OBSL1: variants seen among roughly 807,000 people sequenced by gnomAD.
The protein encoded by OBSL1 is obscurin-like protein 1.
A neutral mutation model predicts 172.0 loss-of-function variants in OBSL1; 160 were observed. The ratio of observed to expected loss-of-function variants is 0.93; its 90% CI spans 0.82 to 1.06. The LOEUF (loss-of-function observed/expected upper bound fraction) is 1.06, where lower values mean the gene tolerates loss of function less well. Among genes scored for constraint, OBSL1 ranks in the 50% least tolerant of loss-of-function variants. The pLI is 0.00. For missense variants in OBSL1, 2,681 were observed against 2,715.4 expected (o/e 0.99, Z 0.28); for synonymous variants, 1,200 against 1,196.3 (o/e 1.00, Z -0.06).
chr2:219,563,313 G>T (rs780998170), intron 7 of OBSL1, 42 bp downstream of exon 7: 2 of 1,513,252 alleles, frequency 1.3e-6, no homozygotes, highest in African/African-American at 1.4e-5. Context: ...TGGGAGCAGG[G>T]GCACCTTCCC....
chr2:219,560,661 A>G (rs1482628987), intron 8 of OBSL1, among the ~76,000 whole-genome samples: 1 of 152,134 alleles, frequency 6.6e-6, no homozygotes, highest in Non-Finnish European at 1.5e-5. Context: ...GGGCCGAGGT[A>G]ACCACAAGCT....
At chr2:219,547,969 G>A, downstream of OBSL1, 2 of 1,588,518 alleles carry the variant, frequency 1.3e-6, no homozygotes, top group South Asian at 1.1e-5. Flanking sequence ...CTGCTCCTGT[G>A]CCCCCACTCT....
In OBSL1 at chr2:219,556,547, T is replaced by C. The variant is rs1026866998; in HGVS notation, c.4243A>G (p.Ile1415Val). Residue 1415 changes from isoleucine to valine, a missense_variant, in exon 13 of 21, where the codon ATC becomes GTC. Transcript: ENST00000404537. ...AGTTGGCAGCCTCGCAAGGTTAAGA[T>C]GCGGCTTGAACCATTCTGGGCCATC... ...VEMAQNGSSRILTLRGCQLGD... is the reference protein window; with the variant it reads ...VEMAQNGSSRVLTLRGCQLGD... 1 of 1,613,908 alleles carries C rather than the reference T, an allele frequency of 6.2e-7. No individual in the cohort carries two copies. Among genetic ancestry groups the C allele is most frequent in the East Asian group, 2.2e-5 (1 of 44,874 alleles).
intron 8 of OBSL1, among the ~76,000 whole-genome samples, chr2:219,559,951 C>G (rs1696344129): frequency 6.6e-6 from 1 of 152,240 alleles, no homozygotes; most frequent in Admixed American, 6.5e-5. Context: ...TCAGAGCAAT[C>G]AAGCTCAGGT....
downstream of OBSL1, among the ~76,000 whole-genome samples, chr2:219,549,512 G>A (rs548733784): frequency 6.6e-6 from 1 of 152,310 alleles, no homozygotes; most frequent in East Asian, 1.9e-4. Context: ...CAGGGGCTTG[G>A]CGGGTCCAGC....
downstream of OBSL1, chr2:219,547,399 CTT>C: frequency 5.5e-6 from 5 of 910,282 alleles, no homozygotes; most frequent in South Asian, 1.5e-4. Context: ...ATCTTAGTGT[CTT>C]TGTCTCTGGT....
chr2:219,561,627 G>T, intron 8 of OBSL1: 2 of 427,802 alleles, frequency 4.7e-6, no homozygotes, highest in African/African-American at 3.0e-5. Flanking sequence ...GTGTGTGGAA[G>T]GGTGACTTTC....
rs1574590119 is a variant in OBSL1 at position 219,571,260 on chromosome 2, A to G, written c.-28T>C. The G allele has an allele frequency of 1.1e-5, 12 of 1,071,636 alleles. No individual in the cohort carries two copies. Among genetic ancestry groups the G allele is most frequent in the African/African-American group, 6.4e-5 (4 of 62,064 alleles). 66.4% of individuals were successfully genotyped at this position (1,071,636 alleles called of 1,614,324 possible). ...CGGCGGCCGACCGCCTGCAGCGGCGAACGGTGGGGGGGCAGGGGGGGGTGC... is the reference window on the plus strand; with the variant it reads ...CGGCGGCCGACCGCCTGCAGCGGCGGACGGTGGGGGGGCAGGGGGGGGTGC... On this transcript the variant is annotated 5_prime_UTR_variant, in exon 1 of 21. Coordinates refer to ENST00000404537, the MANE Select transcript of OBSL1 (RefSeq NM_015311.3).
At position 219,552,218 on chromosome 2, in the gene OBSL1, T is replaced by C; in HGVS notation, c.5309-2A>G. ...TAAGCACCAGAATGTGTTTCTTCCC[T>C]GGGGGTGAGGGGGTCGCTAGCGAGG... On this transcript the variant is annotated splice_acceptor_variant, in intron 18 of 20. Transcript: ENST00000404537. LOFTEE classifies it high-confidence loss of function. 1.9e-6 allele frequency: 3 copies of C among 1,595,916 alleles called. No individual in the cohort carries two copies. The highest frequency in any genetic ancestry group is 2.6e-6 in the Non-Finnish European group (3 of 1,171,994).
At position 219,558,287 on chromosome 2, in the gene OBSL1, C is replaced by T. The variant is rs115915650; in HGVS notation, c.3399G>A (p.Gly1133=). The change falls in exon 10 of 21, where the codon GGG becomes GGA. Residue 1133 remains glycine (G), a synonymous_variant. Coordinates refer to ENST00000404537, the MANE Select transcript of OBSL1 (RefSeq NM_015311.3). The part of the protein sequence containing the change: ...ASDALQLGAE[G]PTRTLTLPHA... ...GGGGCAGGGTCAGGGTGCGGGTGGGCCCCTCGGCACCCAGCTGCAGGGCAT... is the reference window on the plus strand; with the variant it reads ...GGGGCAGGGTCAGGGTGCGGGTGGGTCCCTCGGCACCCAGCTGCAGGGCAT... 1,100 of 1,611,518 alleles carry T rather than the reference C, an allele frequency of 6.8e-4. 7 individuals carry two copies. In the African/African-American group the frequency reaches 0.013, roughly 19 times the overall value.
In OBSL1 at chr2:219,554,691, C is replaced by T. The variant is rs767255567; in HGVS notation, c.4659G>A (p.Glu1553=). 1 of 1,587,464 alleles carries T rather than the reference C, an allele frequency of 6.3e-7. No individual in the cohort carries two copies. Among genetic ancestry groups the T allele is most frequent in the Non-Finnish European group, 8.6e-7 (1 of 1,166,924 alleles). The change falls in exon 15 of 21, where the codon GAG becomes GAA. Residue 1553 remains glutamate, a synonymous_variant. Coordinates refer to ENST00000404537, the MANE Select transcript of OBSL1 (RefSeq NM_015311.3). ...LRPLEDVTIS[E]GGSATFQLEL... ...CCAGCTGGAAGGTGGCACTGCCCCC[C>T]TCACTGATGGTCACGTCCTCCAGAG...
intron 6 of OBSL1, 81 bp downstream of exon 6, chr2:219,565,161 G>A (rs910260644): frequency 1.0e-5 from 15 of 1,431,924 alleles, no homozygotes; most frequent in Middle Eastern, 1.9e-4. Flanking sequence ...CCCCCAAGTA[G>A]GCAGCAGACC....
At position 219,567,846 on chromosome 2, in the gene OBSL1, G is replaced by C. The variant is rs996195414; in HGVS notation, c.1406C>G (p.Pro469Arg). The change falls in exon 3 of 21, where the codon CCG (proline) becomes CGG (arginine). Residue 469 changes from proline (P) to arginine (R), a missense_variant. Physicochemically the swap from Pro to Arg is moderately radical, Grantham distance 103 (BLOSUM62 -2). Around this residue, in one of 5 missense-constraint regions of OBSL1, gnomAD observed 706 missense variants for 695.8 expected, o/e 1.01. Transcript: ENST00000404537. Reference sequence around the variant, plus strand: ...GCCTGAGCTGCTCTGGCAGATGACCGGCAGCTCCTCCCCATCACGGCTCCA... The same window carrying C: ...GCCTGAGCTGCTCTGGCAGATGACCCGCAGCTCCTCCCCATCACGGCTCCA... ...GRWSRDGEEL[P>R]VICQSSSGHM... is the part of the protein sequence containing the mutation. The C allele has an allele frequency of 6.2e-7, 1 of 1,613,918 alleles. No homozygotes were observed.
intron 6 of OBSL1, among the ~76,000 whole-genome samples, chr2:219,564,139 G>C (rs1001582552): frequency 6.6e-6 from 1 of 152,256 alleles, no homozygotes; most frequent in African/African-American, 2.4e-5. Flanking sequence ...AGTGAGATGA[G>C]TGGGATCCAT....
In OBSL1 at chr2:219,551,592, C is replaced by T; in HGVS notation, c.5620G>A (p.Asp1874Asn). The change falls in exon 20 of 21, where the codon GAC (aspartate) becomes AAC (asparagine). Residue 1874 changes from aspartate (D) to asparagine (N), a missense_variant. Transcript: ENST00000404537. Reference sequence around the variant, plus strand: ...GCCTGGCAGCAGTAAGTGCCTTGGTCCTCAGGTCGAACGTCATGGATGACC... The same window carrying T: ...GCCTGGCAGCAGTAAGTGCCTTGGTTCTCAGGTCGAACGTCATGGATGACC... The part of the protein sequence containing the change: ...SLVIHDVRPE[D>N]QGTYCCQAGQ... 6.2e-7 allele frequency: 1 copy of T among 1,609,350 alleles called. No individual in the cohort carries two copies. The highest frequency in any genetic ancestry group is 2.2e-5 in the East Asian group (1 of 44,692).
At chr2:219,549,785 A>C, downstream of OBSL1, 1 of 1,614,122 alleles carries the variant, frequency 6.2e-7, no homozygotes, top group Non-Finnish European at 8.5e-7. Context: ...CCTCACCCAC[A>C]GATGCGGACT....
At position 219,554,550 on chromosome 2, in the gene OBSL1, G is replaced by C. The variant is rs1003511411; in HGVS notation, c.4800C>G (p.Gly1600=). Residue 1600 remains glycine (G), a synonymous_variant, in exon 15 of 21, where the codon GGC becomes GGG. Transcript: ENST00000404537. Reference sequence around the variant, plus strand: ...CACAGCCTGAGTCGGCCAGGCCCAGGCCATTGAGTACCAGTCGGTGACGGT... The same window carrying C: ...CACAGCCTGAGTCGGCCAGGCCCAGCCCATTGAGTACCAGTCGGTGACGGT... The part of the protein sequence containing the change: ...DGHRHRLVLN[G]LGLADSGCVS... 5.0e-6 allele frequency: 8 copies of C among 1,613,486 alleles called. No individual in the cohort carries two copies. The highest frequency in any genetic ancestry group is 5.1e-6 in the Non-Finnish European group (6 of 1,179,862).
downstream of OBSL1, chr2:219,547,374 A>G: frequency 3.0e-6 from 2 of 656,878 alleles, no homozygotes; most frequent in Non-Finnish European, 4.7e-6. Flanking sequence ...GACTCCAGTG[A>G]CCCTCAATTC....
chr2:219,549,503 A>T, downstream of OBSL1: 1 of 1,269,000 alleles, frequency 7.9e-7, no homozygotes, highest in Non-Finnish European at 1.1e-6. Context: ...CCCATGCACC[A>T]GGGGCTTGGC....
Sources: allele counts gnomAD v4.1 joint callset (sites outside exome capture counted in the v4.1 genomes callset), GRCh38; gene constraint gnomAD v4.1.1; regional missense constraint gnomAD v4.1.1; transcripts MANE v1.5; gene names NCBI Gene and HGNC (gene_info 2026-07-23, HGNC 2026-07-21).